CSMD1: variants seen among roughly 807,000 people sequenced by gnomAD.
The protein encoded by CSMD1 is CUB and Sushi multiple domains 1, also known as CUB and sushi domain-containing protein 1.
Under a neutral mutation model 417.5 loss-of-function variants are expected in CSMD1, and 213 were observed. That is an observed-to-expected ratio of 0.51 (90% confidence interval 0.46 to 0.57). The LOEUF is 0.57. Ranked by LOEUF, CSMD1 falls within the 20% of genes least tolerant of loss-of-function variation. The pLI, the probability that CSMD1 is intolerant of heterozygous loss-of-function variation, is 0.00. For missense variants in CSMD1, 6,923 were observed against 4,529.7 expected (o/e 1.53, Z -15.17); for synonymous variants, 2,862 against 1,736.8 (o/e 1.65, Z -16.11).
chr8:3,158,439 A>G (rs1471877294), intron 38 of CSMD1, among the ~76,000 whole-genome samples: 1 of 152,190 alleles, frequency 6.6e-6, no homozygotes, highest in Non-Finnish European at 1.5e-5. Flanking sequence ...TCACATGACT[A>G]CCAGGGTTCA....
chr8:4,588,425 T>C (rs1338628847), intron 2 of CSMD1, among the ~76,000 whole-genome samples: 1 of 150,988 alleles, frequency 6.6e-6, no homozygotes, highest in African/African-American at 2.4e-5. Context: ...TATCTCTTCC[T>C]CTAGATAGTA....
At chr8:4,459,954 A>G (rs1351838461) in intron 2 of CSMD1, among the ~76,000 whole-genome samples, 5 of 152,200 alleles carry the variant, frequency 3.3e-5, no homozygotes, top group Admixed American at 1.3e-4. Context: ...TCATAGAGGA[A>G]CAGAACAATC....
intron 1 of CSMD1, among the ~76,000 whole-genome samples, chr8:4,771,653 G>T (rs1182913087): frequency 2.0e-5 from 3 of 152,162 alleles, no homozygotes; most frequent in Non-Finnish European, 2.9e-5. Flanking sequence ...TTTCTACGCA[G>T]TCAAATTAAA....
chr8:4,810,936 G>C (rs527994559), intron 1 of CSMD1, among the ~76,000 whole-genome samples: 18 of 152,144 alleles, frequency 1.2e-4, no homozygotes, highest in Admixed American at 8.5e-4. Flanking sequence ...TGAGATTAAA[G>C]AATGGCATAA....
At chr8:4,044,725 G>A (rs1332189960) in intron 3 of CSMD1, among the ~76,000 whole-genome samples, 4 of 151,914 alleles carry the variant, frequency 2.6e-5, no homozygotes, top group African/African-American at 7.3e-5. Context: ...TAGCACCCTG[G>A]ACACGTACCA....
intron 2 of CSMD1, among the ~76,000 whole-genome samples, chr8:4,474,563 G>A (rs1235389801): frequency 6.6e-6 from 1 of 152,190 alleles, no homozygotes; most frequent in Non-Finnish European, 1.5e-5. Context: ...TTGAGAGTGA[G>A]AGCTCTAAAG....
intron 7 of CSMD1, among the ~76,000 whole-genome samples, chr8:3,645,378 G>C (rs569080206): frequency 2.0e-4 from 31 of 152,226 alleles, no homozygotes; most frequent in Non-Finnish European, 4.1e-4. Context: ...TGATTAGCCA[G>C]ATTGGGGTTG....
chr8:3,633,057 C>G (rs1227832321), intron 7 of CSMD1, among the ~76,000 whole-genome samples: 1 of 152,174 alleles, frequency 6.6e-6, no homozygotes, highest in East Asian at 1.9e-4. Context: ...AGAGTCTGCC[C>G]TGTTGACTCC....
intron 25 of CSMD1, among the ~76,000 whole-genome samples, chr8:3,289,830 A>T (rs1191602497): frequency 2.0e-5 from 3 of 147,084 alleles, no homozygotes; most frequent in Admixed American, 6.7e-5. Flanking sequence ...CTTTAGTTTA[A>T]TTAGATACCA....
intron 3 of CSMD1, among the ~76,000 whole-genome samples, chr8:4,297,497 A>T (rs117865989): frequency 1.3e-5 from 2 of 152,226 alleles, no homozygotes; most frequent in African/African-American, 2.4e-5. Context: ...CCAAAGTTAC[A>T]TTCAGGCCAT....
intron 3 of CSMD1, among the ~76,000 whole-genome samples, chr8:4,161,788 A>G (rs1797185647): frequency 6.6e-6 from 1 of 152,194 alleles, no homozygotes; most frequent in Non-Finnish European, 1.5e-5. Context: ...ATTGTGCAAA[A>G]GAAACAAAAT....
chr8:3,366,649 G>C (rs183291233), intron 20 of CSMD1, among the ~76,000 whole-genome samples: 1 of 152,290 alleles, frequency 6.6e-6, no homozygotes, highest in Admixed American at 6.5e-5. Context: ...CCGTAGGGTA[G>C]AAACCAATGC....
chr8:4,851,211 C>T (rs74754556), intron 1 of CSMD1, among the ~76,000 whole-genome samples: 12,205 of 150,356 alleles, frequency 0.081, 641 homozygotes, highest in African/African-American at 0.15. Context: ...GATTTTTGTC[C>T]TTGGCAATAG....
At chr8:4,235,563 G>A (rs1365167823) in intron 3 of CSMD1, among the ~76,000 whole-genome samples, 2 of 152,084 alleles carry the variant, frequency 1.3e-5, no homozygotes, top group Non-Finnish European at 2.9e-5. Context: ...ATTTTCTTGT[G>A]CTTTTATAAA....
intron 49 of CSMD1, among the ~76,000 whole-genome samples, chr8:3,053,822 TA>T (rs1244163611): frequency 1.3e-5 from 2 of 152,156 alleles, no homozygotes; most frequent in Non-Finnish European, 2.9e-5. Context: ...GCTGCACTCA[TA>T]AAAGAAAAGT....
intron 1 of CSMD1, among the ~76,000 whole-genome samples, chr8:4,941,984 T>A (rs796588208): frequency 1.3e-5 from 2 of 152,318 alleles, no homozygotes; most frequent in African/African-American, 4.8e-5. Flanking sequence ...TTTTTAAAAG[T>A]CATTTAAAAC....
chr8:4,436,620 CCTT>C (rs1369050604), intron 2 of CSMD1, among the ~76,000 whole-genome samples: 2 of 151,996 alleles, frequency 1.3e-5, no homozygotes, highest in Non-Finnish European at 2.9e-5. Flanking sequence ...AGGTCTTATT[CCTT>C]CTTCTATTTT....
chr8:3,787,590 G>A (rs939315054), intron 5 of CSMD1, among the ~76,000 whole-genome samples: 3 of 152,166 alleles, frequency 2.0e-5, no homozygotes, highest in African/African-American at 7.2e-5. Flanking sequence ...AATTAAAGAT[G>A]TAGTTGCTAC....
chr8:4,397,577 C>T (rs563887318), intron 3 of CSMD1, among the ~76,000 whole-genome samples: 89 of 135,370 alleles, frequency 6.6e-4, no homozygotes, highest in African/African-American at 2.3e-3. Context: ...CTCTTTTGCC[C>T]AGGCCACAGT....
Sources: gnomAD v4.1 joint callset for allele counts (sites outside exome capture counted in the v4.1 genomes callset) on GRCh38, gnomAD v4.1.1 for gene constraint, MANE v1.5 for transcripts, NCBI Gene and HGNC (gene_info 2026-07-23, HGNC 2026-07-21) for gene names.